The following CALB1 variants were observed in gnomAD, a reference collection of about 807,000 sequenced individuals.
The protein encoded by CALB1 is calbindin 1.
Under a neutral mutation model 46.7 loss-of-function variants are expected in CALB1, and 16 were observed. That is an observed-to-expected ratio of 0.34 (90% CI 0.23 to 0.52). The LOEUF is 0.52. CALB1 is among the 20% of genes least tolerant of loss of function. The pLI is 0.95. For synonymous variants in CALB1, 90 were observed against 112.8 expected (o/e 0.80, Z 1.28); for missense variants, 224 against 300.3 (o/e 0.75, Z 1.88).
intron 5 of CALB1, among the ~76,000 whole-genome samples, chr8:90,068,506 G>T (rs183988212): frequency 6.6e-6 from 1 of 152,284 alleles, no homozygotes; most frequent in East Asian, 1.9e-4. Context: ...TTTCTGTGTG[G>T]CCTTCAGTAT....
intron 2 of CALB1, chr8:90,081,623 C>T (rs145937411): frequency 0.015 from 3,118 of 203,060 alleles, 29 homozygotes; most frequent in South Asian, 0.034. Context: ...AGGTGGTGAT[C>T]CGCTAAAGAA....
Position 90,082,876 on chromosome 8 carries a change from C to G in CALB1, c.-179G>C. 1.6e-6 allele frequency: 1 copy of G among 619,928 alleles called. No individual in the cohort carries two copies. The highest frequency in any genetic ancestry group is 2.9e-6 in the Non-Finnish European group (1 of 340,242). The allele number at this position is 619,928 out of a possible 1,614,324, so 38.4% of individuals were successfully genotyped here. ...GCTCAGCGTTCCTCCAGAGTTCTCT[C>G]CCTACACCCCGCACCCAGTTCTCAG... On this transcript the variant is annotated 5_prime_UTR_variant, in exon 1 of 11. Transcript: ENST00000265431.
At chr8:90,071,428 G>C (rs1814514016) in intron 3 of CALB1, among the ~76,000 whole-genome samples, 1 of 152,054 alleles carries the variant, frequency 6.6e-6, no homozygotes, top group Admixed American at 6.5e-5. Context: ...AGAAGGGAGG[G>C]AGAATGGCAG....
At chr8:90,061,868 T>C (rs960317587) in intron 9 of CALB1, 2 of 152,072 alleles carry the variant, frequency 1.3e-5, no homozygotes, top group South Asian at 4.1e-4. Context: ...AAAATTCATA[T>C]GTAACCACAA....
chr8:90,075,920 GTC>G (rs1028484131), intron 3 of CALB1, among the ~76,000 whole-genome samples: 1 of 152,014 alleles, frequency 6.6e-6, no homozygotes, highest in African/African-American at 2.4e-5. Context: ...TGAGATCTAA[GTC>G]TGTATATAGA....
intron 1 of CALB1, 180 bp downstream of exon 1, chr8:90,082,439 A>T (rs1459738632): frequency 1.6e-6 from 1 of 639,206 alleles, no homozygotes; most frequent in East Asian, 2.7e-5. Context: ...AACAATATAA[A>T]CTTTCAGGTT....
chr8:90,069,374 G>A (rs3026296), intron 3 of CALB1, 137 bp from the exon 4 acceptor site: 29,057 of 682,090 alleles, frequency 0.043, 977 homozygotes, highest in East Asian at 0.13. Flanking sequence ...CATTAGAGTC[G>A]GCTTTCCCTT....
Position 90,060,104 on chromosome 8 carries a change from A to C in CALB1, c.*69T>G. 1.2e-6 allele frequency: 1 copy of C among 846,810 alleles called. No homozygotes were observed. The highest frequency in any genetic ancestry group is 2.1e-6 in the Non-Finnish European group (1 of 486,960). 52.5% of individuals were successfully genotyped at this position (846,810 alleles called of 1,614,324 possible). On this transcript the variant is annotated 3_prime_UTR_variant, in exon 11 of 11. Coordinates refer to ENST00000265431, the MANE Select transcript of CALB1 (RefSeq NM_004929.4). The stretch of plus-strand genomic sequence containing the variant: ...ACAGATATAAAAGAAAATACAGCCT[A>C]CTCCCTTATAGTGCACAGTTATTTT...
intron 3 of CALB1, among the ~76,000 whole-genome samples, chr8:90,073,658 CT>C (rs1814572064): frequency 6.6e-6 from 1 of 152,196 alleles, no homozygotes; most frequent in Non-Finnish European, 1.5e-5. Context: ...GACTTTACAT[CT>C]CTCTTTTATT....
Position 90,082,660 on chromosome 8 carries a change from G to T in CALB1, c.38C>A (p.Ala13Asp). ...ESHLQSSLIT[A>D]SQFFEIWLHF... ...GAGCCAGATCTCGAAAAACTGTGAG[G>T]CTGTGATGAGGGATGACTGCAGGTG... Residue 13 changes from alanine to aspartate, a missense_variant, in exon 1 of 11, where the codon GCC becomes GAC. Transcript: ENST00000265431. 2 of 1,614,132 alleles carry T rather than the reference G, an allele frequency of 1.2e-6. No homozygotes were observed. The highest frequency in any genetic ancestry group is 1.7e-6 in the Non-Finnish European group (2 of 1,180,006).
At chr8:90,080,442 T>C (rs534745685) in intron 2 of CALB1, among the ~76,000 whole-genome samples, 10 of 151,950 alleles carry the variant, frequency 6.6e-5, no homozygotes, top group Non-Finnish European at 1.5e-4. Flanking sequence ...AGGTTTTAAT[T>C]CTAAATTTTA....
chr8:90,070,443 A>C (rs539117704), intron 3 of CALB1, among the ~76,000 whole-genome samples: 39 of 152,324 alleles, frequency 2.6e-4, no homozygotes, highest in African/African-American at 8.9e-4. Flanking sequence ...ACTTTTTTTA[A>C]AAAATTCATC....
At chr8:90,060,838 C>G in intron 9 of CALB1, 138 bp from the exon 10 acceptor site, 1 of 732,518 alleles carries the variant, frequency 1.4e-6, no homozygotes, top group Non-Finnish European at 2.4e-6. Context: ...GTCAGGCCAC[C>G]CAAGTTTTTA....
chr8:90,082,402 AG>A, intron 1 of CALB1: 1 of 610,088 alleles, frequency 1.6e-6, no homozygotes, highest in Non-Finnish European at 2.9e-6. Flanking sequence ...GAAAGACAAA[AG>A]TTTAAGGTTT....
At position 90,071,441 on chromosome 8, in the gene CALB1, G is replaced by A. The variant is rs925965789; in HGVS notation, c.232-2204C>T. Among the ~76,000 whole-genome samples the A allele has an allele frequency of 4.3e-4, 66 of 152,080 alleles. 3 individuals are homozygous for A. Among genetic ancestry groups the A allele is most frequent in the Non-Finnish European group, 4.4e-4 (30 of 68,016 alleles). On this transcript the variant is annotated intron_variant, in intron 3 of 10. Coordinates refer to ENST00000265431, the MANE Select transcript of CALB1 (RefSeq NM_004929.4). The stretch of plus-strand genomic sequence containing the variant: ...GGAGAAGGGAGGGAGAATGGCAGTG[G>A]GTGGGCTCGGCATGGAGAGGGGCTC...
chr8:90,060,916 A>T, intron 9 of CALB1: 1 of 535,988 alleles, frequency 1.9e-6, no homozygotes, highest in Non-Finnish European at 3.3e-6. Context: ...CATTTGTAAA[A>T]GATCTTGAAC....
intron 3 of CALB1, among the ~76,000 whole-genome samples, chr8:90,077,335 G>T (rs1251526535): frequency 6.6e-6 from 1 of 151,928 alleles, no homozygotes; most frequent in Non-Finnish European, 1.5e-5. Context: ...TTAAAAATAA[G>T]TGTATTTCAC....
intron 5 of CALB1, among the ~76,000 whole-genome samples, chr8:90,066,317 T>C (rs1025356091): frequency 2.6e-5 from 4 of 152,024 alleles, no homozygotes; most frequent in Non-Finnish European, 5.9e-5. Flanking sequence ...CTTACTGATA[T>C]CTTCACAAGT....
chr8:90,082,156 C>G, intron 1 of CALB1, 54 bp from the exon 2 acceptor site: 2 of 1,460,704 alleles, frequency 1.4e-6, no homozygotes, highest in Non-Finnish European at 9.6e-7. Flanking sequence ...AAGTGTCTTT[C>G]CCGTTCACTT....
Sources: allele counts gnomAD v4.1 joint callset (sites outside exome capture counted in the v4.1 genomes callset), GRCh38; gene constraint gnomAD v4.1.1; transcripts MANE v1.5; gene names NCBI Gene and HGNC (gene_info 2026-07-23, HGNC 2026-07-21).